Variants in DDR2 observed in about 807,000 individuals in gnomAD.
The protein encoded by DDR2 is discoidin domain receptor tyrosine kinase 2.
A neutral mutation model predicts 94.9 loss-of-function variants in DDR2; 27 were observed. The observed-to-expected ratio is 0.28, with a 90% CI of 0.21 to 0.39. The LOEUF is 0.39. Ranked by LOEUF, DDR2 falls within the 10% of genes least tolerant of loss-of-function variation. The pLI is 1.00. For synonymous variants in DDR2, 382 were observed against 377.2 expected, an observed-to-expected ratio of 1.01 and a Z score of -0.15; for missense variants, 783 against 1,076.0, an observed-to-expected ratio of 0.73 and a Z score of 3.81.
intron 3 of DDR2, among the ~76,000 whole-genome samples, chr1:162,732,943 A>G (rs1282690227): frequency 6.6e-6 from 1 of 152,262 alleles, no homozygotes; most frequent in Non-Finnish European, 1.5e-5. Flanking sequence ...AGGCCCTACC[A>G]GAGCTTGGAG....
chr1:162,690,013 C>CA (rs143775652), intron 2 of DDR2, among the ~76,000 whole-genome samples: 6,520 of 103,130 alleles, frequency 0.063, 187 homozygotes, highest in South Asian at 0.11. Context: ...AAGACAATGT[C>CA]AAAAAAAAAA....
At chr1:162,748,538 T>A (rs1459432264) in intron 3 of DDR2, among the ~76,000 whole-genome samples, 1 of 122,818 alleles carries the variant, frequency 8.1e-6, no homozygotes, top group Non-Finnish European at 1.7e-5. Context: ...AGACTTAGAC[T>A]CCCACAGAAT....
intron 2 of DDR2, among the ~76,000 whole-genome samples, chr1:162,662,319 A>G (rs1007593346): frequency 2.6e-5 from 4 of 152,182 alleles, no homozygotes; most frequent in Non-Finnish European, 5.9e-5. Flanking sequence ...TCTGAGTTCA[A>G]ATTCTAGTTT....
At chr1:162,705,487 G>A (rs1474591378) in intron 2 of DDR2, among the ~76,000 whole-genome samples, 1 of 152,206 alleles carries the variant, frequency 6.6e-6, no homozygotes, top group Non-Finnish European at 1.5e-5. Context: ...AATACAGTAT[G>A]TGCCTGGGCT....
At chr1:162,707,885 T>G (rs568298587) in intron 2 of DDR2, among the ~76,000 whole-genome samples, 51 of 152,346 alleles carry the variant, frequency 3.3e-4, no homozygotes, top group Admixed American at 1.4e-3. Context: ...AGTGATACCA[T>G]TTTCTACTTT....
chr1:162,748,165 G>A (rs1662979797), intron 3 of DDR2, among the ~76,000 whole-genome samples: 3 of 152,212 alleles, frequency 2.0e-5, no homozygotes, highest in Non-Finnish European at 4.4e-5. Flanking sequence ...AACCTTAAAT[G>A]TAAATGGGCT....
chr1:162,716,368 C>T (rs886874472), intron 2 of DDR2, among the ~76,000 whole-genome samples: 4 of 152,126 alleles, frequency 2.6e-5, no homozygotes, highest in African/African-American at 9.7e-5. Flanking sequence ...ACAAAGAGCT[C>T]GGGTCTCTCT....
At chr1:162,720,547 T>A (rs766821327) in intron 3 of DDR2, among the ~76,000 whole-genome samples, 3 of 148,520 alleles carry the variant, frequency 2.0e-5, no homozygotes, top group Non-Finnish European at 4.5e-5. Flanking sequence ...ATTTAGCCAA[T>A]CTACTGTAGA....
intron 2 of DDR2, among the ~76,000 whole-genome samples, chr1:162,694,140 G>T (rs535469020): frequency 6.6e-6 from 1 of 152,148 alleles, no homozygotes; most frequent in Non-Finnish European, 1.5e-5. Context: ...GCCTATTTGG[G>T]TAATAGTTTC....
chr1:162,694,007 C>T lies in DDR2; in HGVS notation c.-27-25030C>T, dbSNP rs527930293. ...TCTTCTGCCTCAGCCTCTCGAGTAG[C>T]TGGGATTACAGGAACATGCCAGCAC... On this transcript the variant is annotated intron_variant, in intron 2 of 17. Coordinates refer to ENST00000367921, the MANE Select transcript of DDR2 (RefSeq NM_006182.4). Among the ~76,000 whole-genome samples the T allele has an allele frequency of 6.3e-4, 96 of 152,290 alleles. 1 individual carries two copies. The highest frequency in any genetic ancestry group is 2.1e-3 in the African/African-American group (89 of 41,552).
intron 2 of DDR2, among the ~76,000 whole-genome samples, chr1:162,660,706 T>C (rs904321287): frequency 1.3e-5 from 2 of 152,090 alleles, no homozygotes; most frequent in Non-Finnish European, 2.9e-5. Context: ...CTCCTGAGAG[T>C]GACACTTCTG....
intron 7 of DDR2, among the ~76,000 whole-genome samples, chr1:162,758,467 G>C (rs1010489759): frequency 1.3e-5 from 2 of 151,942 alleles, no homozygotes; most frequent in African/African-American, 4.8e-5. Context: ...AACTGAACAG[G>C]CATTCCTTTT....
rs1479752056 is a variant in DDR2, at chr1:162,781,813, A to G, written c.*1567A>G. Reference sequence around the variant, plus strand: ...CTGGAAAAAGGAACTCTTAATTCCAATTGAGGAGAAACAAGAAAACATTAC... The same window carrying G: ...CTGGAAAAAGGAACTCTTAATTCCAGTTGAGGAGAAACAAGAAAACATTAC... On this transcript the variant is annotated 3_prime_UTR_variant, in exon 18 of 18. Coordinates refer to ENST00000367921, the MANE Select transcript of DDR2 (RefSeq NM_006182.4). The G allele has an allele frequency of 6.6e-6, 1 of 152,250 alleles. No homozygotes were observed. The highest frequency in any genetic ancestry group is 1.5e-5 in the Non-Finnish European group (1 of 68,062). The allele number at this position is 152,250 out of a possible 1,614,324, so 9.4% of individuals were successfully genotyped here.
chr1:162,767,332 G>A lies in DDR2; in HGVS notation c.1266G>A (p.Arg422=), dbSNP rs2102173337. The A allele has an allele frequency of 6.2e-7, 1 of 1,614,024 alleles. No individual in the cohort carries two copies. Among genetic ancestry groups the A allele is most frequent in the East Asian group, 2.2e-5 (1 of 44,862 alleles). Residue 422 remains arginine, a synonymous_variant, in exon 11 of 18, where the codon AGG becomes AGA. Transcript: ENST00000367921. ...LLAIIVIILW[R]QFWQKMLEKA... Reference sequence around the variant, plus strand: ...CCATCATTGTCATCATCCTCTGGAGGCAGTTCTGGCAGAAAATGCTGGAGA... The same window carrying A: ...CCATCATTGTCATCATCCTCTGGAGACAGTTCTGGCAGAAAATGCTGGAGA...
At chr1:162,725,177 G>T (rs893048348) in intron 3 of DDR2, among the ~76,000 whole-genome samples, 2 of 152,210 alleles carry the variant, frequency 1.3e-5, no homozygotes, top group Admixed American at 6.5e-5. Flanking sequence ...TTATATAATA[G>T]TAGTATTATT....
At chr1:162,681,193 T>G (rs1220323499) in intron 2 of DDR2, among the ~76,000 whole-genome samples, 2 of 152,140 alleles carry the variant, frequency 1.3e-5, no homozygotes, top group Non-Finnish European at 2.9e-5. Context: ...TAACGTGCAC[T>G]GTACTCAGCC....
At position 162,767,548 on chromosome 1, in the gene DDR2, G is replaced by C. The variant is rs1039875; in HGVS notation, c.1293+189G>C. ...TCTATTTTCTCATTTTTAGAGTGGA[G>C]ATGTTGGAACCTTCCTAACGTTCCT... On this transcript the variant is annotated intron_variant, in intron 11 of 17. Coordinates refer to ENST00000367921, the MANE Select transcript of DDR2 (RefSeq NM_006182.4). Among the ~76,000 whole-genome samples the C allele has an allele frequency of 0.96, 145,414 of 152,262 alleles. 69,801 individuals carry two copies. Among genetic ancestry groups the C allele is most frequent in the East Asian group, 1 (5,182 of 5,182 alleles).
At chr1:162,734,122 A>T (rs1248810921) in intron 3 of DDR2, among the ~76,000 whole-genome samples, 1 of 152,228 alleles carries the variant, frequency 6.6e-6, no homozygotes, top group Admixed American at 6.5e-5. Context: ...AAACTTATTT[A>T]TTAAATAAAT....
In DDR2 at chr1:162,759,873, T is replaced by A. The variant is rs370466792; in HGVS notation, c.749T>A (p.Val250Glu). 8.7e-6 allele frequency: 14 copies of A among 1,614,136 alleles called. No homozygotes were observed. The highest frequency in any genetic ancestry group is 1.2e-5 in the Non-Finnish European group (14 of 1,180,012). ...DDFTQTHEYH[V>E]WPGYDYVGWR... ...TTCACCCAGACCCATGAATACCACG[T>A]GTGGCCCGGCTATGACTATGTGGGC... The change falls in exon 8 of 18, where the codon GTG becomes GAG. Residue 250 changes from valine to glutamate, a missense_variant. Physicochemically the swap from Val to Glu is moderately radical, Grantham distance 121. Around this residue, in one of 2 missense-constraint regions of DDR2, gnomAD observed 519 missense variants for 647.9 expected, o/e 0.80. Coordinates refer to ENST00000367921, the MANE Select transcript of DDR2 (RefSeq NM_006182.4).
Sources: allele counts gnomAD v4.1 joint callset (sites outside exome capture counted in the v4.1 genomes callset), GRCh38; gene constraint gnomAD v4.1.1; regional missense constraint gnomAD v4.1.1; transcripts MANE v1.5; gene names NCBI Gene and HGNC (gene_info 2026-07-23, HGNC 2026-07-21).